Variants in RARA observed in about 807,000 individuals in gnomAD.
RARA encodes the protein PML-DDX5-RARA fusion.
A neutral mutation model predicts 42.8 loss-of-function variants in RARA; 5 were observed. The ratio of observed to expected loss-of-function variants is 0.12; its 90% CI spans 0.06 to 0.25. The LOEUF is 0.25. RARA is among the 10% of genes least tolerant of loss of function. The pLI is 1.00. For synonymous variants in RARA, 256 were observed against 259.5 expected, an observed-to-expected ratio of 0.99 and a Z score of 0.13; for missense variants, 402 against 628.7, an observed-to-expected ratio of 0.64 and a Z score of 3.86.
rs753217779 is a variant in RARA at position 40,352,309 on chromosome 17, C to T, written c.631-22C>T. ...AAGGGGTGCCATGGAGAAGAAGGCC[C>T]TCACTCTCCCTCCTCCCCCAGAACA... On this transcript the variant is annotated intron_variant, in intron 5 of 8. Coordinates refer to ENST00000254066, the MANE Select transcript of RARA (RefSeq NM_000964.4). The surrounding 1 kb of genome is among the most constrained non-coding windows in gnomAD (Gnocchi z 4.9). 6.3e-7 allele frequency: 1 copy of T among 1,576,684 alleles called. No individual in the cohort carries two copies. The highest frequency in any genetic ancestry group is 2.3e-5 in the East Asian group (1 of 43,740).
Position 40,355,971 on chromosome 17 carries a change from G to A in RARA, c.1172-38G>A, listed in dbSNP as rs1328609909. 8 of 1,543,450 alleles carry A rather than the reference G, an allele frequency of 5.2e-6. No individual in the cohort carries two copies. Among genetic ancestry groups the A allele is most frequent in the Non-Finnish European group, 6.1e-6 (7 of 1,141,316 alleles). On this transcript the variant is annotated intron_variant, in intron 8 of 8. Coordinates refer to ENST00000254066, the MANE Select transcript of RARA (RefSeq NM_000964.4). This position sits in a 1 kb window ranked among gnomAD's most constrained non-coding sequence, Gnocchi z 4.1. ...GCTGGGGCTGGGGGTGGGAGGGCTG[G>A]CCCAGCGTGCTGACCTCTGCCCCCT...
chr17:40,313,967 C>T lies in RARA; in HGVS notation c.-363+4681C>T, dbSNP rs938117176. 1.8e-4 allele frequency among the ~76,000 whole-genome samples: 28 copies of T among 152,170 alleles called. 1 individual carries two copies. The highest frequency in any genetic ancestry group is 1.8e-3 in the Admixed American group (28 of 15,266). ...CTCAGTCCCCTTCTGGCTCAACATA[C>T]ACATATTTAGTGGTTGTAGCCAGAG... is the stretch of plus-strand genomic sequence containing the variant. On this transcript the variant is annotated intron_variant, in intron 1 of 8. Coordinates refer to ENST00000254066, the MANE Select transcript of RARA (RefSeq NM_000964.4).
At chr17:40,328,049 A>T (rs1339723597) in intron 1 of RARA, among the ~76,000 whole-genome samples, 5 of 152,110 alleles carry the variant, frequency 3.3e-5, no homozygotes, top group Non-Finnish European at 7.4e-5. Flanking sequence ...AATCGTGGTT[A>T]TTAGCAAGGT....
intron 2 of RARA, among the ~76,000 whole-genome samples, chr17:40,338,898 A>G (rs2957323): frequency 0.035 from 5,389 of 152,048 alleles, 155 homozygotes; most frequent in Non-Finnish European, 0.053. Flanking sequence ...CACACCTGTA[A>G]TCCCAGCTAC....
chr17:40,328,468 G>A (rs2033602113), intron 1 of RARA, among the ~76,000 whole-genome samples: 1 of 152,044 alleles, frequency 6.6e-6, no homozygotes, highest in Non-Finnish European at 1.5e-5. Flanking sequence ...ACCCATTAAA[G>A]TGTACAATTC....
At chr17:40,336,684 G>A (rs979428675) in intron 2 of RARA, among the ~76,000 whole-genome samples, 3 of 150,878 alleles carry the variant, frequency 2.0e-5, no homozygotes, top group African/African-American at 4.9e-5. Flanking sequence ...CACCGCGCCC[G>A]GCTTGTTGTT....
Position 40,356,919 on chromosome 17 carries a change from C to G in RARA, c.*693C>G, listed in dbSNP as rs375581332. 8 of 400,818 alleles carry G rather than the reference C, an allele frequency of 2.0e-5. No individual in the cohort carries two copies. In the Admixed American group the frequency reaches 2.5e-4, roughly 12 times the overall value. The allele number at this position is 400,818 out of a possible 1,614,324, so 24.8% of individuals were successfully genotyped here. ...ACTCTCCTTTCATGTCCCTGTGCCC[C>G]CCAGTTCTCCTCCTCAGCCTTTTCC... is the stretch of plus-strand genomic sequence containing the variant. On this transcript the variant is annotated 3_prime_UTR_variant, in exon 9 of 9. Transcript: ENST00000254066.
intron 2 of RARA, chr17:40,341,757 C>T: frequency 7.8e-7 from 1 of 1,289,884 alleles, no homozygotes; most frequent in Non-Finnish European, 9.8e-7. Flanking sequence ...TCTTCCCCGC[C>T]CCACCACCTC....
At chr17:40,323,755 G>A (rs373562752) in intron 1 of RARA, among the ~76,000 whole-genome samples, 58 of 143,332 alleles carry the variant, frequency 4.0e-4, no homozygotes, top group Admixed American at 3.5e-4. Flanking sequence ...TGGGTCGGAG[G>A]GGGGGTATGG....
At chr17:40,340,881 C>G (rs2034011650) in intron 2 of RARA, 1 of 400,204 alleles carries the variant, frequency 2.5e-6, no homozygotes, top group African/African-American at 2.1e-5. Flanking sequence ...AATACCTGCT[C>G]TACTCTTTAT....
intron 6 of RARA, among the ~76,000 whole-genome samples, chr17:40,353,727 C>T (rs1407448323): frequency 2.0e-5 from 3 of 152,210 alleles, no homozygotes; most frequent in African/African-American, 7.2e-5. Flanking sequence ...ACTGTCATTT[C>T]TCCATGGGCA....
At chr17:40,342,934 C>T in intron 2 of RARA, 7 of 1,545,184 alleles carry the variant, frequency 4.5e-6, no homozygotes, top group South Asian at 1.2e-5. Context: ...TCCACTACTA[C>T]TCGGGGGTGA....
intron 1 of RARA, among the ~76,000 whole-genome samples, chr17:40,328,082 C>G (rs1460585968): frequency 6.6e-6 from 1 of 152,142 alleles, no homozygotes; most frequent in African/African-American, 2.4e-5. Flanking sequence ...CCTGGGGCAG[C>G]CTCCCCTCCC....
In RARA at chr17:40,352,983, G is replaced by A. The variant is rs1236149979; in HGVS notation, c.807+476G>A. Among the ~76,000 whole-genome samples, 1 of 152,214 alleles carries A rather than the reference G, an allele frequency of 6.6e-6. No homozygotes were observed. Among genetic ancestry groups the A allele is most frequent in the Non-Finnish European group, 1.5e-5 (1 of 68,044 alleles). ...CGAGCTGGGTGTCAGGAACCCAGCGGTGAATGCACCACCATCCCCTCTCTT... is the reference window on the plus strand; with the variant it reads ...CGAGCTGGGTGTCAGGAACCCAGCGATGAATGCACCACCATCCCCTCTCTT... On this transcript the variant is annotated intron_variant, in intron 6 of 8. Coordinates refer to ENST00000254066, the MANE Select transcript of RARA (RefSeq NM_000964.4). This position sits in a 1 kb window ranked among gnomAD's most constrained non-coding sequence, Gnocchi z 4.9.
intron 2 of RARA, among the ~76,000 whole-genome samples, chr17:40,339,914 G>A (rs557332161): frequency 6.6e-5 from 10 of 152,144 alleles, no homozygotes; most frequent in South Asian, 6.2e-4. Flanking sequence ...TGTCCTCTTC[G>A]CCATTAGTCT....
At chr17:40,342,394 ACT>A (rs2143392599) in intron 2 of RARA, 1 of 1,120,944 alleles carries the variant, frequency 8.9e-7, no homozygotes, top group Non-Finnish European at 1.1e-6. Context: ...ACGCCACGAG[ACT>A]CTAGACGGGA....
rs1467839017 is a variant in RARA at position 40,351,555 on chromosome 17, C to T, written c.470-355C>T. The stretch of plus-strand genomic sequence containing the variant: ...GGGTGAGTGGAGGCGGGAGAAGGAC[C>T]TTCCTGGGGAAAGAGGAGGCAGAGC... On this transcript the variant is annotated intron_variant, in intron 4 of 8. Transcript: ENST00000254066. The surrounding 1 kb of genome is among the most constrained non-coding windows in gnomAD (Gnocchi z 4.1). 1 of 473,058 alleles carries T rather than the reference C, an allele frequency of 2.1e-6. No individual in the cohort carries two copies. Among genetic ancestry groups the T allele is most frequent in the Non-Finnish European group, 4.3e-6 (1 of 233,628 alleles). 29.3% of individuals were successfully genotyped at this position (473,058 alleles called of 1,614,324 possible). A position where few individuals can be genotyped will look rare whatever the true frequency, so the allele number is the denominator to read the frequency against.
chr17:40,315,626 C>T (rs150835022), intron 1 of RARA, among the ~76,000 whole-genome samples: 52 of 152,244 alleles, frequency 3.4e-4, no homozygotes, highest in African/African-American at 1.2e-3. Flanking sequence ...ATCATCTCTT[C>T]GGAGTATCAC....
At chr17:40,343,123 CTT>C (rs945330085) in intron 2 of RARA, 4 of 538,774 alleles carry the variant, frequency 7.4e-6, no homozygotes, top group African/African-American at 3.9e-5. Flanking sequence ...TCCTTCATCT[CTT>C]GTTTCACTTC....
Sources: allele counts gnomAD v4.1 joint callset (sites outside exome capture counted in the v4.1 genomes callset), GRCh38; gene constraint gnomAD v4.1.1; non-coding constraint Gnocchi (gnomAD v3.1); transcripts MANE v1.5; gene names NCBI Gene and HGNC (gene_info 2026-07-23, HGNC 2026-07-21).